Variants in ARMS2 observed in about 807,000 individuals in gnomAD.
The protein encoded by ARMS2 is age-related maculopathy susceptibility 2, also known as age-related maculopathy susceptibility protein 2.
In ARMS2, 4 loss-of-function variants were observed where a neutral mutation model predicts 6.0. The ratio of observed to expected loss-of-function variants is 0.67; its 90% CI spans 0.33 to 1.53. The LOEUF (loss-of-function observed/expected upper bound fraction) is 1.53, where lower values mean the gene tolerates loss of function less well. ARMS2 is among the 40% of genes most tolerant of loss of function. ARMS2 has a pLI of 0.06. For synonymous variants in ARMS2, 49 were observed against 51.7 expected (o/e 0.95, Z 0.22); for missense variants, 99 against 127.6 (o/e 0.78, Z 1.08).
intron 1 of ARMS2, 58 bp downstream of exon 1, chr10:122,455,082 G>A: frequency 1.0e-6 from 1 of 985,412 alleles, no homozygotes; most frequent in Non-Finnish European, 1.5e-6. Context: ...AAATTCTGGA[G>A]TGGTGCCCTG....
intron 1 of ARMS2, 112 bp from the exon 2 acceptor site, chr10:122,456,795 C>T: frequency 6.9e-7 from 1 of 1,439,368 alleles, no homozygotes. Context: ...ATACTTCTTA[C>T]CCTATTGAGT....
rs2097475724 is a variant in ARMS2, at chr10:122,454,688, GA to G, written c.-39del. 11 of 1,597,238 alleles carry G rather than the reference GA, an allele frequency of 6.9e-6. No individual in the cohort carries two copies. Among genetic ancestry groups the G allele is most frequent in the Admixed American group, 3.4e-5 (2 of 59,630 alleles). On this transcript the variant is annotated 5_prime_UTR_variant, in exon 1 of 2. Coordinates refer to ENST00000528446, the MANE Select transcript of ARMS2 (RefSeq NM_001099667.3). The stretch of plus-strand genomic sequence containing the variant: ...GAGATGGCAGCTGGCTTGGCAAGGG[GA>G]CAGCACCTTTGTCACCACATTATGT...
chr10:122,456,318 A>G (rs559809733), intron 1 of ARMS2, among the ~76,000 whole-genome samples: 1 of 152,046 alleles, frequency 6.6e-6, no homozygotes, highest in South Asian at 2.1e-4. Context: ...AAGAAAAAAG[A>G]AAAAAAGAAA....
Position 122,454,764 on chromosome 10 carries a change from G to T in ARMS2, c.37G>T (p.Ala13Ser). 6.2e-7 allele frequency: 1 copy of T among 1,613,998 alleles called. No homozygotes were observed. Among genetic ancestry groups the T allele is most frequent in the Non-Finnish European group, 8.5e-7 (1 of 1,179,894 alleles). ...ATACCCAGGACCGATGGTAACTGAG[G>T]CGGAGGGGAAAGGAGGGCCTGAGAT... ...RLYPGPMVTEAEGKGGPEMAS... is the reference protein window; with the variant it reads ...RLYPGPMVTESEGKGGPEMAS... Residue 13 changes from alanine (A) to serine (S), a missense_variant, in exon 1 of 2, where the codon GCG (alanine) becomes TCG (serine). Physicochemically the swap from Ala to Ser is moderately conservative, Grantham distance 99 (BLOSUM62 1). Transcript: ENST00000528446.
intron 1 of ARMS2, 24 bp downstream of exon 1, chr10:122,455,048 C>T (rs1430128803): frequency 6.9e-6 from 9 of 1,305,614 alleles, no homozygotes; most frequent in Non-Finnish European, 9.8e-6. Context: ...ATGATCAGGC[C>T]TTACCCCAGA....
chr10:122,455,236 C>T (rs2097476269), intron 1 of ARMS2, among the ~76,000 whole-genome samples: 1 of 152,180 alleles, frequency 6.6e-6, no homozygotes. Flanking sequence ...ACTTCCAATG[C>T]ACCTGCTACA....
chr10:122,457,277 T>G lies in ARMS2; in HGVS notation c.*344T>G, dbSNP rs1294804452. Reference sequence around the variant, plus strand: ...GCATTCCCTCCTGTCATCCTGCCTTTGTTTTCTTGCCCTCCTTTCTCTCCC... The same window carrying G: ...GCATTCCCTCCTGTCATCCTGCCTTGGTTTTCTTGCCCTCCTTTCTCTCCC... On this transcript the variant is annotated 3_prime_UTR_variant, in exon 2 of 2. Coordinates refer to ENST00000528446, the MANE Select transcript of ARMS2 (RefSeq NM_001099667.3). The G allele has an allele frequency of 1.1e-5, 3 of 281,162 alleles. No individual in the cohort carries two copies. Among genetic ancestry groups the G allele is most frequent in the African/African-American group, 2.2e-5 (1 of 45,816 alleles). 17.4% of individuals were successfully genotyped at this position (281,162 alleles called of 1,614,324 possible).
At position 122,454,889 on chromosome 10, in the gene ARMS2, G is replaced by A. The variant is rs982956895; in HGVS notation, c.162G>A (p.Lys54=). ...TTGGTGGAGAAGGAGCCAGTGACAA[G>A]CAGAGGAGCAAACTGTCTTTATCAC... ...PGVGGEGASD[K]QRSKLSLSHS... is the part of the protein sequence containing the mutation. The change falls in exon 1 of 2, where the codon AAG becomes AAA. Residue 54 remains lysine (K), a synonymous_variant. Coordinates refer to ENST00000528446, the MANE Select transcript of ARMS2 (RefSeq NM_001099667.3). 1.2e-6 allele frequency: 2 copies of A among 1,613,862 alleles called. No individual in the cohort carries two copies. Among genetic ancestry groups the A allele is most frequent in the African/African-American group, 2.7e-5 (2 of 74,938 alleles).
chr10:122,456,161 A>G (rs139297779), intron 1 of ARMS2, among the ~76,000 whole-genome samples: 234 of 152,270 alleles, frequency 1.5e-3, no homozygotes, highest in South Asian at 7.5e-3. Context: ...GAGCAGCAGC[A>G]GGCCTGGGGT....
rs867761222 is a variant in ARMS2, at chr10:122,457,142, C to T, written c.*209C>T. On this transcript the variant is annotated 3_prime_UTR_variant, in exon 2 of 2. Coordinates refer to ENST00000528446, the MANE Select transcript of ARMS2 (RefSeq NM_001099667.3). ...TTTCCCCACCTGGGCGGACTCATCA[C>T]GTCATCACCAATTGGATGCATCTTC... The T allele has an allele frequency of 2.2e-5, 13 of 579,018 alleles. No individual in the cohort carries two copies. Among genetic ancestry groups the T allele is most frequent in the East Asian group, 8.8e-5 (3 of 34,108 alleles). 35.9% of individuals were successfully genotyped at this position (579,018 alleles called of 1,614,324 possible).
At position 122,457,184 on chromosome 10, in the gene ARMS2, T is replaced by C. The variant is rs578150200; in HGVS notation, c.*251T>C. 1.2e-3 allele frequency: 544 copies of C among 437,742 alleles called. No individual in the cohort carries two copies. Among genetic ancestry groups the C allele is most frequent in the Non-Finnish European group, 2.0e-3 (494 of 248,984 alleles). The allele number at this position is 437,742 out of a possible 1,614,324, so 27.1% of individuals were successfully genotyped here. On this transcript the variant is annotated 3_prime_UTR_variant, in exon 2 of 2. Transcript: ENST00000528446. ...TGCATCTTCTGCTCTGTGCAGCTGG[T>C]GAAATCTTTCTCAACCCTTGAGATG... is the stretch of plus-strand genomic sequence containing the variant.
Position 122,456,988 on chromosome 10 carries a change from T to C in ARMS2, c.*55T>C. 1 of 1,550,062 alleles carries C rather than the reference T, an allele frequency of 6.5e-7. No individual in the cohort carries two copies. The highest frequency in any genetic ancestry group is 8.7e-7 in the Non-Finnish European group (1 of 1,146,442). ...AACTGGAGCTTCTCATCAGCATCAA[T>C]GTGAAGCCAAAAATCCTTAGGAGGA... On this transcript the variant is annotated 3_prime_UTR_variant, in exon 2 of 2. Transcript: ENST00000528446.
chr10:122,454,849 T>A lies in ARMS2; in HGVS notation c.122T>A (p.Val41Glu). The A allele has an allele frequency of 6.2e-7, 1 of 1,614,022 alleles. No homozygotes were observed. ...VSFISTLRES[V>E]LDPGVGGEGA... The stretch of plus-strand genomic sequence containing the variant: ...TTCATTTCCACTCTGCGAGAGTCTG[T>A]GCTGGACCCTGGAGTTGGTGGAGAA... Residue 41 changes from valine to glutamate, a missense_variant, in exon 1 of 2, where the codon GTG (valine) becomes GAG (glutamate). Physicochemically the swap from Val to Glu is moderately radical, Grantham distance 121 (BLOSUM62 -2). Coordinates refer to ENST00000528446, the MANE Select transcript of ARMS2 (RefSeq NM_001099667.3).
At position 122,457,080 on chromosome 10, in the gene ARMS2, T is replaced by A; in HGVS notation, c.*147T>A. 1 of 1,065,596 alleles carries A rather than the reference T, an allele frequency of 9.4e-7. No homozygotes were observed. The highest frequency in any genetic ancestry group is 1.3e-6 in the Non-Finnish European group (1 of 741,520). The allele number at this position is 1,065,596 out of a possible 1,614,324, so 66.0% of individuals were successfully genotyped here. ...CAGCTGCCTCAACTGTCCACAGGAC[T>A]CTCTTCCCACCTGCGGCCACACTGT... On this transcript the variant is annotated 3_prime_UTR_variant, in exon 2 of 2. Transcript: ENST00000528446.
chr10:122,454,787 G>A lies in ARMS2; in HGVS notation c.60G>A (p.Glu20=). 1.2e-6 allele frequency: 2 copies of A among 1,614,032 alleles called. No individual in the cohort carries two copies. Among genetic ancestry groups the A allele is most frequent in the African/African-American group, 1.3e-5 (1 of 75,052 alleles). The change falls in exon 1 of 2, where the codon GAG becomes GAA. Residue 20 remains glutamate (E), a synonymous_variant. Coordinates refer to ENST00000528446, the MANE Select transcript of ARMS2 (RefSeq NM_001099667.3). ...VTEAEGKGGP[E]MASLSSSVVP... ...AGGCGGAGGGGAAAGGAGGGCCTGA[G>A]ATGGCAAGTCTGTCCTCCTCGGTGG...
rs750471764 is a variant in ARMS2, at chr10:122,454,892, G to A, written c.165G>A (p.Gln55=). 1.9e-6 allele frequency: 3 copies of A among 1,613,854 alleles called. No individual in the cohort carries two copies. Among genetic ancestry groups the A allele is most frequent in the African/African-American group, 2.7e-5 (2 of 74,932 alleles). The change falls in exon 1 of 2, where the codon CAG becomes CAA. Residue 55 remains glutamine, a synonymous_variant. Coordinates refer to ENST00000528446, the MANE Select transcript of ARMS2 (RefSeq NM_001099667.3). ...GTGGAGAAGGAGCCAGTGACAAGCA[G>A]AGGAGCAAACTGTCTTTATCACACT... is the stretch of plus-strand genomic sequence containing the variant. ...GVGGEGASDK[Q]RSKLSLSHSM...
Position 122,456,914 on chromosome 10 carries a change from T to C in ARMS2, c.305T>C (p.Ile102Thr). The change falls in exon 2 of 2, where the codon ATC (isoleucine) becomes ACC (threonine). Residue 102 changes from isoleucine to threonine, a missense_variant. Coordinates refer to ENST00000528446, the MANE Select transcript of ARMS2 (RefSeq NM_001099667.3). ...QPQHHLTLSI[I>T]HTAAR is the part of the protein sequence containing the mutation. ...AATCTATTTTTTTTTCAGTCTATCA[T>C]CCACACTGCAGCAAGGTGATTCTGC... 1 of 1,551,434 alleles carries C rather than the reference T, an allele frequency of 6.4e-7. No individual in the cohort carries two copies. Among genetic ancestry groups the C allele is most frequent in the Non-Finnish European group, 8.7e-7 (1 of 1,146,900 alleles).
In ARMS2 at chr10:122,454,674, T is replaced by C; in HGVS notation, c.-54T>C. ...GCTCCTGGCTGAGTGAGATGGCAGC[T>C]GGCTTGGCAAGGGGACAGCACCTTT... is the stretch of plus-strand genomic sequence containing the variant. On this transcript the variant is annotated 5_prime_UTR_variant, in exon 1 of 2. Coordinates refer to ENST00000528446, the MANE Select transcript of ARMS2 (RefSeq NM_001099667.3). The C allele has an allele frequency of 6.3e-7, 1 of 1,585,490 alleles. No homozygotes were observed. The highest frequency in any genetic ancestry group is 8.6e-7 in the Non-Finnish European group (1 of 1,161,886).
Sources: gnomAD v4.1 joint callset for allele counts (sites outside exome capture counted in the v4.1 genomes callset) on GRCh38, gnomAD v4.1.1 for gene constraint, MANE v1.5 for transcripts, NCBI Gene and HGNC (gene_info 2026-07-23, HGNC 2026-07-21) for gene names.